The following ZNF780B variants were observed in gnomAD, a reference collection of about 807,000 sequenced individuals.
The protein encoded by ZNF780B is zinc finger protein 779.
In ZNF780B, 52 loss-of-function variants were observed where a neutral mutation model predicts 74.1. That is an observed-to-expected ratio of 0.70 (90% CI 0.56 to 0.88). ZNF780B has a LOEUF of 0.88. Among genes scored for constraint, ZNF780B ranks in the 40% least tolerant of loss-of-function variants. The pLI, the probability that ZNF780B is intolerant of heterozygous loss-of-function variation, is 0.00. For synonymous variants in ZNF780B, 315 were observed against 324.3 expected, an observed-to-expected ratio of 0.97 and a Z score of 0.31; for missense variants, 953 against 1,007.6, an observed-to-expected ratio of 0.95 and a Z score of 0.73.
Position 40,047,490 on chromosome 19 carries a change from CATGT to C in ZNF780B, c.137-24_137-21del, listed in dbSNP as rs1225315423. On this transcript the variant is annotated intron_variant, in intron 3 of 4. Transcript: ENST00000434248. Reference sequence around the variant, plus strand: ...AACTTCCTGCTTAAAAGAAATAACACATGTAGAATTTTTTTAATATAAAAATTTT... The same window carrying C: ...AACTTCCTGCTTAAAAGAAATAACACAGAATTTTTTTAATATAAAAATTTT... 1.3e-6 allele frequency: 2 copies of C among 1,548,604 alleles called. No homozygotes were observed. The highest frequency in any genetic ancestry group is 1.7e-6 in the Non-Finnish European group (2 of 1,150,156).
Position 40,030,030 on chromosome 19 carries a change from T to G in ZNF780B, c.*4327A>C, listed in dbSNP as rs1971962625. The G allele has an allele frequency of 6.6e-6, 1 of 152,202 alleles. No individual in the cohort carries two copies. Among genetic ancestry groups the G allele is most frequent in the Non-Finnish European group, 1.5e-5 (1 of 68,028 alleles). The allele number at this position is 152,202 out of a possible 1,614,324, so 9.4% of individuals were successfully genotyped here. ...CATTTATGGTCTACAATATTTTCAA[T>G]TTAACAATGGGTTTATCTAGATATA... On this transcript the variant is annotated 3_prime_UTR_variant, in exon 5 of 5. Coordinates refer to ENST00000434248, the MANE Select transcript of ZNF780B (RefSeq NM_001005851.3).
chr19:40,046,350 C>T (rs964102344), intron 4 of ZNF780B, among the ~76,000 whole-genome samples: 1 of 152,120 alleles, frequency 6.6e-6, no homozygotes, highest in Admixed American at 6.5e-5. Flanking sequence ...ATGCATGGAA[C>T]AAAACATAAC....
chr19:40,051,127 T>A (rs78632949), intron 1 of ZNF780B, among the ~76,000 whole-genome samples: 176 of 152,326 alleles, frequency 1.2e-3, no homozygotes, highest in African/African-American at 4.1e-3. Flanking sequence ...CTCTGTATTG[T>A]AGCCCCAATT....
At chr19:40,055,230 C>G (rs568617700) in intron 1 of ZNF780B, among the ~76,000 whole-genome samples, 1 of 138,296 alleles carries the variant, frequency 7.2e-6, no homozygotes, top group African/African-American at 2.6e-5. Context: ...CCAAATGGCT[C>G]TGTGAATATT....
intron 1 of ZNF780B, among the ~76,000 whole-genome samples, chr19:40,054,931 A>G (rs1170210731): frequency 6.6e-6 from 1 of 152,138 alleles, no homozygotes; most frequent in Non-Finnish European, 1.5e-5. Context: ...TACAATTATC[A>G]TCTCATGGAC....
Position 40,048,375 on chromosome 19 carries a change from CT to C in ZNF780B, c.136+294del, listed in dbSNP as rs1973039431. Among the ~76,000 whole-genome samples the C allele has an allele frequency of 2.6e-5, 4 of 152,302 alleles. No homozygotes were observed. In the South Asian group the frequency reaches 8.3e-4, roughly 32 times the overall value. ...ATCAAACATAATATGAAACCTGGTT[CT>C]TGAACAATATCATTCAACGAATATA... On this transcript the variant is annotated intron_variant, in intron 3 of 4. Transcript: ENST00000434248.
chr19:40,037,839 C>T (rs1972415099), intron 4 of ZNF780B, among the ~76,000 whole-genome samples: 1 of 150,716 alleles, frequency 6.6e-6, no homozygotes, highest in Non-Finnish European at 1.5e-5. Flanking sequence ...TTCCAAGAAT[C>T]GTCTGGCTTT....
intron 1 of ZNF780B, among the ~76,000 whole-genome samples, chr19:40,051,688 T>C (rs1420457232): frequency 6.6e-6 from 1 of 152,194 alleles, no homozygotes; most frequent in Non-Finnish European, 1.5e-5. Flanking sequence ...ACAAATAACA[T>C]CAGCTAGTTC....
chr19:40,048,300 G>A (rs1268654253), intron 3 of ZNF780B, among the ~76,000 whole-genome samples: 1 of 152,096 alleles, frequency 6.6e-6, no homozygotes, highest in African/African-American at 2.4e-5. Flanking sequence ...CTCCTTACAG[G>A]TGGGCCAGAA....
chr19:40,045,137 G>T (rs1432776197), intron 4 of ZNF780B, among the ~76,000 whole-genome samples: 2 of 152,148 alleles, frequency 1.3e-5, no homozygotes, highest in African/African-American at 2.4e-5. Flanking sequence ...GATCAATTCA[G>T]CAAGAGAATA....
At position 40,032,357 on chromosome 19, in the gene ZNF780B, T is replaced by C. The variant is rs999131021; in HGVS notation, c.*2000A>G. On this transcript the variant is annotated 3_prime_UTR_variant, in exon 5 of 5. Coordinates refer to ENST00000434248, the MANE Select transcript of ZNF780B (RefSeq NM_001005851.3). Reference sequence around the variant, plus strand: ...AGAGCATACTTTCATGGGGTTTCCATGCTACAATACACTAAAGAGAGATAA... The same window carrying C: ...AGAGCATACTTTCATGGGGTTTCCACGCTACAATACACTAAAGAGAGATAA... The C allele has an allele frequency of 1.4e-4, 56 of 389,932 alleles. No homozygotes were observed. The highest frequency in any genetic ancestry group is 2.7e-4 in the Non-Finnish European group (55 of 200,980). The allele number at this position is 389,932 out of a possible 1,614,324, so 24.2% of individuals were successfully genotyped here.
chr19:40,034,832 T>C lies in ZNF780B; in HGVS notation c.2027A>G (p.Lys676Arg), dbSNP rs1972167187. The change falls in exon 5 of 5, where the codon AAA (lysine) becomes AGA (arginine). Residue 676 changes from lysine to arginine, a missense_variant. By Grantham distance (26) the Lys-to-Arg change is conservative. Transcript: ENST00000434248. The stretch of plus-strand genomic sequence containing the variant: ...AAGGTTTGAAACACGACTAAAGCCT[T>C]TCCCACACTCCTTACATTCATATGG... ...VKPYECKECGKGFSRVSNLIQ... is the reference protein window; with the variant it reads ...VKPYECKECGRGFSRVSNLIQ... 3.1e-6 allele frequency: 5 copies of C among 1,614,084 alleles called. No homozygotes were observed. The highest frequency in any genetic ancestry group is 1.3e-5 in the African/African-American group (1 of 75,040).
chr19:40,049,390 T>C (rs1003999462), intron 2 of ZNF780B, among the ~76,000 whole-genome samples: 5 of 152,118 alleles, frequency 3.3e-5, no homozygotes, highest in African/African-American at 1.2e-4. Flanking sequence ...ATAACTGACA[T>C]ATTAGATTTA....
intron 1 of ZNF780B, among the ~76,000 whole-genome samples, chr19:40,054,002 A>C (rs966404667): frequency 2.0e-5 from 3 of 152,150 alleles, no homozygotes; most frequent in Non-Finnish European, 4.4e-5. Context: ...AAAATACAAA[A>C]ATAAGCTGGG....
At position 40,047,490 on chromosome 19, in the gene ZNF780B, C is replaced by G. The variant is rs774706384; in HGVS notation, c.137-20G>C. The G allele has an allele frequency of 6.5e-6, 10 of 1,548,722 alleles. No homozygotes were observed. The highest frequency in any genetic ancestry group is 2.1e-5 in the Admixed American group (1 of 47,542). ...AACTTCCTGCTTAAAAGAAATAACACATGTAGAATTTTTTTAATATAAAAA... is the reference window on the plus strand; with the variant it reads ...AACTTCCTGCTTAAAAGAAATAACAGATGTAGAATTTTTTTAATATAAAAA... On this transcript the variant is annotated intron_variant, in intron 3 of 4. Transcript: ENST00000434248.
chr19:40,039,887 T>A (rs932765712), intron 4 of ZNF780B, among the ~76,000 whole-genome samples: 21 of 151,906 alleles, frequency 1.4e-4, no homozygotes, highest in African/African-American at 4.8e-4. Flanking sequence ...CTTTTCCTAA[T>A]TGAATACCCT....
intron 4 of ZNF780B, among the ~76,000 whole-genome samples, chr19:40,037,444 T>A (rs1181475673): frequency 1.3e-5 from 2 of 152,152 alleles, no homozygotes; most frequent in Non-Finnish European, 2.9e-5. Context: ...TACTTTATTT[T>A]TATTTTTACT....
chr19:40,050,166 C>T lies in ZNF780B; in HGVS notation c.9+158G>A, dbSNP rs374327775. 6.8e-5 allele frequency among the ~76,000 whole-genome samples: 9 copies of T among 132,768 alleles called. 1 individual carries two copies. The highest frequency in any genetic ancestry group is 2.1e-4 in the African/African-American group (7 of 33,376). The allele number at this position is 132,768 out of a possible 152,430, so 87.1% of individuals were successfully genotyped here. On this transcript the variant is annotated intron_variant, in intron 2 of 4. Transcript: ENST00000434248. ...GAGCCAAGATCGCACCACTGCATTCCAGCCTGGGTGACAGAGCAAGACTCC... is the reference window on the plus strand; with the variant it reads ...GAGCCAAGATCGCACCACTGCATTCTAGCCTGGGTGACAGAGCAAGACTCC...
chr19:40,029,380 G>A lies in ZNF780B; in HGVS notation c.*4977C>T, dbSNP rs1404108282. 6.5e-6 allele frequency: 1 copy of A among 154,698 alleles called. No homozygotes were observed. Among genetic ancestry groups the A allele is most frequent in the Non-Finnish European group, 1.5e-5 (1 of 68,208 alleles). The allele number at this position is 154,698 out of a possible 1,614,324, so 9.6% of individuals were successfully genotyped here. A position where few individuals can be genotyped will look rare whatever the true frequency, so the allele number is the denominator to read the frequency against. On this transcript the variant is annotated 3_prime_UTR_variant, in exon 5 of 5. Transcript: ENST00000434248. ...AACACCATGACAAATTTAAATCAGAGCAATATCTCCAAAAATGGGAGGCAG... is the reference window on the plus strand; with the variant it reads ...AACACCATGACAAATTTAAATCAGAACAATATCTCCAAAAATGGGAGGCAG...
Sources: gnomAD v4.1 joint callset for allele counts (sites outside exome capture counted in the v4.1 genomes callset) on GRCh38, gnomAD v4.1.1 for gene constraint, MANE v1.5 for transcripts, NCBI Gene and HGNC (gene_info 2026-07-23, HGNC 2026-07-21) for gene names.